EPYC: variants seen among roughly 807,000 people sequenced by gnomAD.
EPYC encodes the protein epiphycan, also known as dermatan sulfate proteoglycan 3.
In EPYC, 28 loss-of-function variants were observed where a neutral mutation model predicts 30.1. The ratio of observed to expected loss-of-function variants is 0.93; its 90% CI spans 0.69 to 1.28. The LOEUF is 1.28. EPYC is among the 50% of genes most tolerant of loss of function. The pLI is 0.00. For synonymous variants in EPYC, 144 were observed against 141.4 expected (o/e 1.02, Z -0.13); for missense variants, 382 against 383.5 (o/e 1.00, Z 0.03).
intron 6 of EPYC, among the ~76,000 whole-genome samples, chr12:90,964,896 C>T (rs1175817817): frequency 2.0e-5 from 3 of 152,132 alleles, no homozygotes; most frequent in African/African-American, 7.2e-5. Flanking sequence ...TACTGTATCT[C>T]ACATACCATA....
chr12:90,984,549 A>G (rs551899692), intron 2 of EPYC, among the ~76,000 whole-genome samples: 2 of 152,254 alleles, frequency 1.3e-5, no homozygotes, highest in East Asian at 3.9e-4. Flanking sequence ...GGAAGTATAA[A>G]TTATAATACT....
Position 90,970,620 on chromosome 12 carries a change from T to C in EPYC, c.703-481A>G, listed in dbSNP as rs149015011. ...ACAAAAAACATTTAGACAATAGCTGTTCTACTCTAGCCAAACACCCTAGAA... is the reference window on the plus strand; with the variant it reads ...ACAAAAAACATTTAGACAATAGCTGCTCTACTCTAGCCAAACACCCTAGAA... On this transcript the variant is annotated intron_variant, in intron 5 of 6. Transcript: ENST00000261172. Among the ~76,000 whole-genome samples the C allele has an allele frequency of 3.8e-4, 58 of 152,342 alleles. No homozygotes were observed. The East Asian group carries it at 0.011, about 28-fold the overall frequency.
intron 1 of EPYC, among the ~76,000 whole-genome samples, chr12:91,003,085 T>G (rs1366337011): frequency 1.3e-5 from 2 of 152,102 alleles, no homozygotes; most frequent in Non-Finnish European, 2.9e-5. Flanking sequence ...CAGTGTGGCT[T>G]AGGCATTGGG....
chr12:90,967,140 G>T (rs1804285471), intron 6 of EPYC, among the ~76,000 whole-genome samples: 1 of 151,790 alleles, frequency 6.6e-6, no homozygotes, highest in East Asian at 1.9e-4. Context: ...TTTCTATTCT[G>T]CTTGCTTTGG....
intron 2 of EPYC, among the ~76,000 whole-genome samples, chr12:90,984,314 G>C (rs1877397507): frequency 6.6e-6 from 1 of 152,096 alleles, no homozygotes; most frequent in Non-Finnish European, 1.5e-5. Flanking sequence ...ACCATTGTGT[G>C]TTCTTGGGTT....
rs532594809 is a variant in EPYC at position 91,003,531 on chromosome 12, TTTAA to T, written c.-13-957_-13-954del. Among the ~76,000 whole-genome samples the T allele has an allele frequency of 5.5e-4, 83 of 152,182 alleles. 1 individual carries two copies. In the South Asian group the frequency reaches 7.9e-3, roughly 14 times the overall value. The stretch of plus-strand genomic sequence containing the variant: ...TGAGGATTCAATCAAGATCCTATAA[TTTAA>T]TTATTTTTTTAGTTCTGTATGTACT... On this transcript the variant is annotated intron_variant, in intron 1 of 6. Coordinates refer to ENST00000261172, the MANE Select transcript of EPYC (RefSeq NM_004950.5).
At chr12:90,983,539 C>T (rs180976323) in intron 2 of EPYC, among the ~76,000 whole-genome samples, 3 of 152,094 alleles carry the variant, frequency 2.0e-5, no homozygotes, top group East Asian at 1.9e-4. Flanking sequence ...TCTTATACTT[C>T]CGGGCTGAGC....
chr12:91,000,623 G>A (rs1291686036), intron 2 of EPYC, among the ~76,000 whole-genome samples: 1 of 151,668 alleles, frequency 6.6e-6, no homozygotes, highest in African/African-American at 2.4e-5. Flanking sequence ...ACTTGTGAAA[G>A]GAATAAATAG....
chr12:90,991,392 C>G (rs1445480622), intron 2 of EPYC, among the ~76,000 whole-genome samples: 7 of 152,122 alleles, frequency 4.6e-5, no homozygotes, highest in African/African-American at 1.7e-4. Flanking sequence ...AAGTGAAGTC[C>G]CAATTCTGGC....
chr12:91,001,729 T>G (rs1282245867), intron 2 of EPYC, among the ~76,000 whole-genome samples: 4 of 152,146 alleles, frequency 2.6e-5, no homozygotes, highest in Non-Finnish European at 5.9e-5. Flanking sequence ...CAATCTCACA[T>G]CTTTCTCCTT....
At position 90,978,265 on chromosome 12, in the gene EPYC, GAA is replaced by G. The variant is rs66600255; in HGVS notation, c.166-5_166-4del. 65,081 of 1,283,648 alleles carry G rather than the reference GAA, an allele frequency of 0.051. 6 individuals are homozygous for G. The highest frequency in any genetic ancestry group is 0.065 in the Middle Eastern group (232 of 3,542). The allele number at this position is 1,283,648 out of a possible 1,614,324, so 79.5% of individuals were successfully genotyped here. A position where few individuals can be genotyped will look rare whatever the true frequency, so the allele number is the denominator to read the frequency against. ...GGCATCACTGTGGCTATTTCAATCT[GAA>G]AAAAAAAAAAAAAAGAGAATTTCTT... On this transcript the variant is annotated splice_polypyrimidine_tract_variant and splice_region_variant and intron_variant, in intron 2 of 6. Coordinates refer to ENST00000261172, the MANE Select transcript of EPYC (RefSeq NM_004950.5).
intron 2 of EPYC, among the ~76,000 whole-genome samples, chr12:91,000,976 A>C (rs1276498119): frequency 1.3e-5 from 2 of 152,106 alleles, no homozygotes; most frequent in Admixed American, 1.3e-4. Context: ...TAACAGACAG[A>C]ATCCATACAG....
At chr12:91,003,026 T>G (rs1877868219) in intron 1 of EPYC, among the ~76,000 whole-genome samples, 1 of 152,122 alleles carries the variant, frequency 6.6e-6, no homozygotes, top group African/African-American at 2.4e-5. Flanking sequence ...CAGAGTTGAC[T>G]GGTAATGCAA....
intron 2 of EPYC, among the ~76,000 whole-genome samples, chr12:90,992,135 T>C (rs931025758): frequency 2.6e-5 from 4 of 152,128 alleles, no homozygotes; most frequent in Admixed American, 6.6e-5. Context: ...CATCAGGCAT[T>C]AGATTCTCAT....
At chr12:90,984,802 A>C (rs1877409779) in intron 2 of EPYC, among the ~76,000 whole-genome samples, 1 of 152,072 alleles carries the variant, frequency 6.6e-6, no homozygotes, top group Admixed American at 6.6e-5. Context: ...CCAGGGGACC[A>C]CAAAAACCCC....
At chr12:90,982,707 T>C (rs139753282) in intron 2 of EPYC, among the ~76,000 whole-genome samples, 9 of 152,266 alleles carry the variant, frequency 5.9e-5, no homozygotes, top group African/African-American at 2.2e-4. Context: ...AGTTAACTAT[T>C]TTAGATTCCA....
chr12:90,970,105 T>C lies in EPYC; in HGVS notation c.737A>G (p.Asp246Gly). The C allele has an allele frequency of 2.5e-6, 4 of 1,613,958 alleles. No homozygotes were observed. The highest frequency in any genetic ancestry group is 3.4e-6 in the Non-Finnish European group (4 of 1,179,846). The part of the protein sequence containing the change: ...MYDLHHLYLT[D>G]NNLDHIPLPL... ...CAGAGGGATGTGGTCCAAGTTGTTA[T>C]CAGTGAGGTACAGATGATGGAGATC... The change falls in exon 6 of 7, where the codon GAT (aspartate) becomes GGT (glycine). Residue 246 changes from aspartate (D) to glycine (G), a missense_variant. Physicochemically the swap from Asp to Gly is moderately conservative, Grantham distance 94. Transcript: ENST00000261172.
At chr12:90,964,823 G>A (rs950336477) in intron 6 of EPYC, among the ~76,000 whole-genome samples, 7 of 152,104 alleles carry the variant, frequency 4.6e-5, no homozygotes, top group Admixed American at 4.6e-4. Context: ...GGGAAGGAAG[G>A]AGGGAGCAAA....
rs185118507 is a variant in EPYC, at chr12:90,972,552, C to T, written c.499+270G>A. 1.8e-3 allele frequency: 479 copies of T among 261,764 alleles called. 5 individuals are homozygous for T. The highest frequency in any genetic ancestry group is 9.8e-3 in the African/African-American group (439 of 45,006). 16.2% of individuals were successfully genotyped at this position (261,764 alleles called of 1,614,324 possible). A position where few individuals can be genotyped will look rare whatever the true frequency, so the allele number is the denominator to read the frequency against. On this transcript the variant is annotated intron_variant, in intron 4 of 6. Coordinates refer to ENST00000261172, the MANE Select transcript of EPYC (RefSeq NM_004950.5). ...GTCATAATATGATAAAACATTCCAG[C>T]ATGTACAATATAATTATTTATTATG...
Sources: allele counts gnomAD v4.1 joint callset (sites outside exome capture counted in the v4.1 genomes callset), GRCh38; gene constraint gnomAD v4.1.1; transcripts MANE v1.5; gene names NCBI Gene and HGNC (gene_info 2026-07-23, HGNC 2026-07-21).